Variants in EPM2A observed in about 807,000 individuals in gnomAD.
EPM2A encodes the protein EPM2A glucan phosphatase, laforin, also known as laforin.
A neutral mutation model predicts 26.5 loss-of-function variants in EPM2A; 21 were observed. The observed-to-expected ratio is 0.79, with a 90% CI of 0.56 to 1.14. The LOEUF (loss-of-function observed/expected upper bound fraction) is 1.14. Ranked by LOEUF, EPM2A falls within the 50% of genes most tolerant of loss-of-function variation. The pLI, the probability that EPM2A is intolerant of heterozygous loss-of-function variation, is 0.00. For synonymous variants in EPM2A, 217 were observed against 177.6 expected (o/e 1.22, Z -1.76); for missense variants, 458 against 440.8 (o/e 1.04, Z -0.35).
chr6:145,418,620 C>A (rs1778739828), intron 4 of EPM2A, among the ~76,000 whole-genome samples: 1 of 152,210 alleles, frequency 6.6e-6, no homozygotes, highest in Non-Finnish European at 1.5e-5. Context: ...GGTAACAACA[C>A]CCTAATCATT....
At chr6:145,715,286 CATA>C (rs1422290237) in intron 1 of EPM2A, among the ~76,000 whole-genome samples, 2 of 152,064 alleles carry the variant, frequency 1.3e-5, no homozygotes, top group African/African-American at 4.8e-5. Context: ...GCAAGGCACT[CATA>C]CACAGGTACA....
chr6:145,628,144 C>T (rs774519318), intron 3 of EPM2A: 4 of 213,836 alleles, frequency 1.9e-5, no homozygotes, highest in South Asian at 1.6e-4. Flanking sequence ...AACACAGAAG[C>T]GGCCCATAAT....
intron 4 of EPM2A, among the ~76,000 whole-genome samples, chr6:145,475,527 C>T (rs746418148): frequency 3.3e-5 from 5 of 151,606 alleles, no homozygotes; most frequent in Admixed American, 6.6e-5. Flanking sequence ...ATGGGTTGAT[C>T]GGTGCAGCAC....
At chr6:145,554,459 G>GATAGATAGATAGATAGATACATAGATAC (rs1187061981) in intron 2 of EPM2A, among the ~76,000 whole-genome samples, 8 of 151,612 alleles carry the variant, frequency 5.3e-5, no homozygotes, top group African/African-American at 1.9e-4. Flanking sequence ...TAGATAGATA[G>GATAGATAGATAGATAGATACATAGATAC]ATAGATAGAT....
intron 2 of EPM2A, among the ~76,000 whole-genome samples, chr6:145,549,036 C>T (rs766901106): frequency 6.6e-6 from 1 of 152,108 alleles, no homozygotes; most frequent in Non-Finnish European, 1.5e-5. Context: ...AATAGAGATA[C>T]CTTTATCTGT....
chr6:145,498,529 A>T (rs1779849523), downstream of EPM2A, among the ~76,000 whole-genome samples: 1 of 152,108 alleles, frequency 6.6e-6, no homozygotes, highest in Non-Finnish European at 1.5e-5. Context: ...TCATGAGGGG[A>T]TCTCCTGACA....
At chr6:145,429,989 G>C (rs1778901420) in intron 4 of EPM2A, among the ~76,000 whole-genome samples, 1 of 152,142 alleles carries the variant, frequency 6.6e-6, no homozygotes, top group Admixed American at 6.5e-5. Flanking sequence ...CTGAAGTCAG[G>C]AGTTCGAGAC....
At chr6:145,439,918 C>T (rs369771841) in intron 4 of EPM2A, among the ~76,000 whole-genome samples, 3 of 152,058 alleles carry the variant, frequency 2.0e-5, no homozygotes, top group East Asian at 1.9e-4. Flanking sequence ...ATTGTATGTC[C>T]TACGTTATCT....
intron 4 of EPM2A, chr6:145,490,184 G>T: frequency 1.9e-6 from 2 of 1,036,868 alleles, no homozygotes; most frequent in Non-Finnish European, 1.4e-6. Context: ...TAGACGCTCT[G>T]AAATAGTGTC....
chr6:145,554,475 G>GAT (rs1230933938), intron 2 of EPM2A, among the ~76,000 whole-genome samples: 1 of 149,242 alleles, frequency 6.7e-6, no homozygotes, highest in African/African-American at 2.5e-5. Flanking sequence ...TAGATACATA[G>GAT]ACAGAGAGAC....
At chr6:145,641,284 T>A (rs927863407) in intron 2 of EPM2A, 1 of 152,102 alleles carries the variant, frequency 6.6e-6, no homozygotes, top group Non-Finnish European at 1.5e-5. Context: ...TAAACTGAGG[T>A]CATCAGAGTA....
At chr6:145,595,981 T>TA (rs1562396458) in intron 2 of EPM2A, among the ~76,000 whole-genome samples, 2 of 152,076 alleles carry the variant, frequency 1.3e-5, no homozygotes, top group Non-Finnish European at 1.5e-5. Flanking sequence ...CACAGAGCAA[T>TA]AAAAATAGAT....
At chr6:145,397,656 G>T (rs1001033990) in intron 4 of EPM2A, among the ~76,000 whole-genome samples, 19 of 152,062 alleles carry the variant, frequency 1.2e-4, no homozygotes, top group African/African-American at 4.3e-4. Flanking sequence ...CTCCAACCTG[G>T]TGGTTACATA....
chr6:145,437,402 G>A lies in EPM2A; in HGVS notation c.556-53305C>T, dbSNP rs138889852. Among the ~76,000 whole-genome samples the A allele has an allele frequency of 8.7e-4, 132 of 152,128 alleles. No homozygotes were observed. In the East Asian group the frequency reaches 0.017, roughly 20 times the overall value. ...ATGGTCTCAGGTAGTTGTTTATAGC[G>A]GTGTAAGAACAGTCGAATACAGCAT... On this transcript the variant is annotated intron_variant, in intron 4 of 4. Coordinates refer to the EPM2A transcript ENST00000638717.
rs181507876 is a variant in EPM2A, at chr6:145,519,680, T to G, written c.341-17105A>C. Among the ~76,000 whole-genome samples the G allele has an allele frequency of 2.2e-3, 341 of 152,090 alleles. 3 individuals are homozygous for G. Among genetic ancestry groups the G allele is most frequent in the Non-Finnish European group, 3.9e-3 (263 of 67,978 alleles). On this transcript the variant is annotated intron_variant, in intron 2 of 3. Coordinates refer to the EPM2A transcript ENST00000450221. ...CCCCAGAATGTAAGTTTCCAGGAGG[T>G]GGACAGAGGTTTCGAGAAACCCTTC... is the stretch of plus-strand genomic sequence containing the variant.
At chr6:145,414,293 C>A (rs4896805) in intron 4 of EPM2A, among the ~76,000 whole-genome samples, 65,167 of 151,420 alleles carry the variant, frequency 0.43, 14,341 homozygotes, top group East Asian at 0.66. Context: ...ACTTCATGAA[C>A]TCTGAATTTC....
chr6:145,657,089 CTT>C (rs5880652), intron 2 of EPM2A, among the ~76,000 whole-genome samples: 1,899 of 121,786 alleles, frequency 0.016, 18 homozygotes, highest in Middle Eastern at 0.043. Context: ...GTCATTTTTC[CTT>C]TTTTTTTTTT....
chr6:145,635,323 G>T lies in EPM2A; in HGVS notation c.640C>A (p.Pro214Thr), dbSNP rs1278542056. ...CTATATAGTTTAATCATAGTGTCTGGAGTCATGGGCTCTGGGTAGCGGTTA... is the reference window on the plus strand; with the variant it reads ...CTATATAGTTTAATCATAGTGTCTGTAGTCATGGGCTCTGGGTAGCGGTTA... ...GCNRYPEPMT[P>T]DTMIKLYREE... Residue 214 changes from proline (P) to threonine (T), a missense_variant, in exon 3 of 4, where the codon CCA (proline) becomes ACA (threonine). Pro to Thr is a conservative substitution (Grantham distance 38, BLOSUM62 -1). Coordinates refer to ENST00000367519, the MANE Select transcript of EPM2A (RefSeq NM_005670.4). 8.1e-6 allele frequency: 13 copies of T among 1,614,100 alleles called. No individual in the cohort carries two copies. Among genetic ancestry groups the T allele is most frequent in the African/African-American group, 1.3e-5 (1 of 75,042 alleles).
At chr6:145,700,390 T>G (rs1781844735) in intron 1 of EPM2A, among the ~76,000 whole-genome samples, 1 of 152,136 alleles carries the variant, frequency 6.6e-6, no homozygotes, top group Non-Finnish European at 1.5e-5. Flanking sequence ...TTCATGGCAC[T>G]CTCAGAATTA....
Sources: allele counts gnomAD v4.1 joint callset (sites outside exome capture counted in the v4.1 genomes callset), GRCh38; gene constraint gnomAD v4.1.1; transcripts MANE v1.5; gene names NCBI Gene and HGNC (gene_info 2026-07-23, HGNC 2026-07-21).